Variants in TOP6BL observed in about 807,000 individuals in gnomAD.
TOP6BL encodes TOP6B like initiator of meiotic double strand breaks.
chr11:66,799,676 C>T, the TOP6BL span, among the ~76,000 whole-genome samples: 1 of 151,640 alleles, frequency 6.6e-6, no homozygotes, highest in Non-Finnish European at 1.5e-5. Context: ...TGCGCCATTG[C>T]ACTCTGCACT....
the TOP6BL span, among the ~76,000 whole-genome samples, chr11:66,775,513 AGTGAC>A: frequency 6.6e-6 from 1 of 152,196 alleles, no homozygotes; most frequent in East Asian, 1.9e-4. Flanking sequence ...TGTGAGTGGA[AGTGAC>A]ATGTGTCGCC....
chr11:66,748,609 G>T, the TOP6BL span: 1 of 997,016 alleles, frequency 1.0e-6, no homozygotes, highest in Non-Finnish European at 1.4e-6. Flanking sequence ...CTTTTATCAT[G>T]TTATTCCAGG....
the TOP6BL span, among the ~76,000 whole-genome samples, chr11:66,786,527 T>A: frequency 6.6e-6 from 1 of 152,180 alleles, no homozygotes; most frequent in Non-Finnish European, 1.5e-5. Context: ...GGAGTGAGAC[T>A]ACTGAAATTG....
chr11:66,749,344 A>C, the TOP6BL span, among the ~76,000 whole-genome samples: 2 of 152,118 alleles, frequency 1.3e-5, no homozygotes, highest in Non-Finnish European at 2.9e-5. Context: ...CTACGTGTCT[A>C]GGGTGATGGT....
At chr11:66,826,888 G>A in the TOP6BL span, among the ~76,000 whole-genome samples, 2 of 150,664 alleles carry the variant, frequency 1.3e-5, no homozygotes, top group Admixed American at 1.3e-4. Flanking sequence ...TCTCCATGTT[G>A]GTCAGGCTGG....
chr11:66,816,808 C>T, the TOP6BL span, among the ~76,000 whole-genome samples: 18 of 152,212 alleles, frequency 1.2e-4, no homozygotes, highest in Admixed American at 3.9e-4. Context: ...GAACTCCTGG[C>T]TTCAAGTAAT....
the TOP6BL span, among the ~76,000 whole-genome samples, chr11:66,783,073 A>C: frequency 6.6e-6 from 1 of 152,288 alleles, no homozygotes; most frequent in East Asian, 1.9e-4. Flanking sequence ...TGGCTGGGTG[A>C]GGTGGCTCAT....
chr11:66,750,626 G>C, the TOP6BL span, among the ~76,000 whole-genome samples: 4 of 151,730 alleles, frequency 2.6e-5, no homozygotes, highest in Non-Finnish European at 5.9e-5. Flanking sequence ...CCCTCCTAGA[G>C]GCTAATACTT....
chr11:66,783,377 CAGAT>C, the TOP6BL span, among the ~76,000 whole-genome samples: 4 of 152,132 alleles, frequency 2.6e-5, no homozygotes, highest in East Asian at 1.9e-4. Flanking sequence ...GACAGACAGA[CAGAT>C]AGATAGATGA....
the TOP6BL span, among the ~76,000 whole-genome samples, chr11:66,825,948 T>A: frequency 6.6e-6 from 1 of 152,006 alleles, no homozygotes; most frequent in Non-Finnish European, 1.5e-5. Context: ...TTCACGCCAT[T>A]CTCCTGCCTC....
chr11:66,801,110 C>T, the TOP6BL span: 192 of 1,611,580 alleles, frequency 1.2e-4, no homozygotes, highest in South Asian at 2.2e-4. Flanking sequence ...GAGGTGAAGG[C>T]GTAAAGCCTT....
chr11:66,755,256 G>A, the TOP6BL span, among the ~76,000 whole-genome samples: 2 of 152,046 alleles, frequency 1.3e-5, no homozygotes, highest in South Asian at 4.2e-4. Flanking sequence ...GAGTAGCTGG[G>A]CCTACAGGTG....
the TOP6BL span, among the ~76,000 whole-genome samples, chr11:66,817,440 T>C: frequency 6.6e-6 from 1 of 151,994 alleles, no homozygotes; most frequent in Non-Finnish European, 1.5e-5. Flanking sequence ...ATGATGATGA[T>C]GATGATGATG....
At chr11:66,780,196 T>C in the TOP6BL span, among the ~76,000 whole-genome samples, 1 of 151,898 alleles carries the variant, frequency 6.6e-6, no homozygotes, top group Admixed American at 6.6e-5. Flanking sequence ...AATAGGTAAA[T>C]AGTGTTTTTT....
the TOP6BL span, among the ~76,000 whole-genome samples, chr11:66,805,258 A>G: frequency 2.6e-5 from 4 of 152,226 alleles, no homozygotes; most frequent in African/African-American, 7.2e-5. Context: ...TAAAATAACA[A>G]TAATAATGAG....
At chr11:66,815,992 T>G in the TOP6BL span, 1 of 1,474,814 alleles carries the variant, frequency 6.8e-7, no homozygotes, top group Non-Finnish European at 9.2e-7. Flanking sequence ...GGTTCTGTAG[T>G]CACTTTGTAT....
the TOP6BL span, among the ~76,000 whole-genome samples, chr11:66,796,774 C>A: frequency 6.8e-6 from 1 of 148,024 alleles, no homozygotes; most frequent in Non-Finnish European, 1.5e-5. Context: ...CAGAGCGAGA[C>A]CCTGTCTTTG....
At chr11:66,804,892 A>G in the TOP6BL span, among the ~76,000 whole-genome samples, 24 of 152,246 alleles carry the variant, frequency 1.6e-4, no homozygotes, top group East Asian at 4.2e-3. Context: ...CAACATGGTG[A>G]AACCCCATCT....
chr11:66,766,079 A>G, the TOP6BL span, among the ~76,000 whole-genome samples: 15 of 152,202 alleles, frequency 9.9e-5, no homozygotes, highest in African/African-American at 3.6e-4. Context: ...AGTTTTCTAG[A>G]TGCTAAAAAA....
Sources: allele counts gnomAD v4.1 joint callset (sites outside exome capture counted in the v4.1 genomes callset), GRCh38; gene constraint gnomAD v4.1.1; transcripts MANE v1.5; gene names NCBI Gene and HGNC (gene_info 2026-07-23, HGNC 2026-07-21).